The following UBE4B variants were observed in gnomAD, a reference collection of about 807,000 sequenced individuals.
UBE4B encodes the protein ubiquitination factor E4B.
UBE4B carries 27 observed loss-of-function variants against 148.1 expected under a neutral mutation model. That is an observed-to-expected ratio of 0.18 (90% CI 0.13 to 0.25). UBE4B has a LOEUF of 0.25. Ranked by LOEUF, UBE4B falls within the 10% of genes least tolerant of loss-of-function variation. The pLI, the probability that UBE4B is intolerant of heterozygous loss-of-function variation, is 1.00. For missense variants in UBE4B, 1,170 were observed against 1,662.4 expected, an observed-to-expected ratio of 0.70 and a Z score of 5.15; for synonymous variants, 596 against 619.3, an observed-to-expected ratio of 0.96 and a Z score of 0.56.
intron 10 of UBE4B, among the ~76,000 whole-genome samples, chr1:10,126,429 G>A (rs1285850552): frequency 3.9e-5 from 6 of 152,222 alleles, no homozygotes. Context: ...GAACATATTA[G>A]TTGCTGAGAT....
intron 1 of UBE4B, among the ~76,000 whole-genome samples, chr1:10,044,923 A>G (rs1643883175): frequency 6.6e-6 from 1 of 152,328 alleles, no homozygotes; most frequent in Non-Finnish European, 1.5e-5. Flanking sequence ...GTAATATAGA[A>G]TGAAATAATT....
chr1:10,098,885 G>A (rs1299058540), intron 3 of UBE4B, among the ~76,000 whole-genome samples: 1 of 152,132 alleles, frequency 6.6e-6, no homozygotes, highest in Non-Finnish European at 1.5e-5. Flanking sequence ...ATTTAGCAGT[G>A]CAGTAAAACA....
chr1:10,156,267 T>C (rs1646070424), intron 21 of UBE4B, among the ~76,000 whole-genome samples: 1 of 146,052 alleles, frequency 6.8e-6, no homozygotes, highest in East Asian at 2.0e-4. Flanking sequence ...TGAGCTAGGG[T>C]CTTGCTCTGT....
intron 5 of UBE4B, among the ~76,000 whole-genome samples, chr1:10,103,577 C>T (rs573168700): frequency 5.0e-4 from 75 of 149,716 alleles, no homozygotes; most frequent in Non-Finnish European, 9.3e-4. Context: ...GGACTACAGG[C>T]GTGCACCACC....
chr1:10,142,597 G>A (rs1174042760), intron 17 of UBE4B, among the ~76,000 whole-genome samples: 1 of 152,142 alleles, frequency 6.6e-6, no homozygotes, highest in Non-Finnish European at 1.5e-5. Context: ...CTTGAACACG[G>A]GAGACGGAGG....
chr1:10,082,431 G>A (rs1200377875), intron 2 of UBE4B, among the ~76,000 whole-genome samples: 3 of 152,122 alleles, frequency 2.0e-5, no homozygotes, highest in African/African-American at 7.2e-5. Context: ...AACCTGGGAA[G>A]TAGAGGTAGC....
chr1:10,109,395 C>T (rs755168574), intron 7 of UBE4B, among the ~76,000 whole-genome samples: 31 of 152,214 alleles, frequency 2.0e-4, no homozygotes, highest in Admixed American at 7.8e-4. Flanking sequence ...TGCATCTACT[C>T]GGTTCCTTTG....
chr1:10,038,280 C>CA (rs535925205), intron 1 of UBE4B, among the ~76,000 whole-genome samples: 3,537 of 95,324 alleles, frequency 0.037, 45 homozygotes, highest in Non-Finnish European at 0.042. Context: ...AACTCCATCT[C>CA]AAAAAAAAAA....
At chr1:10,037,598 C>T (rs1266960448) in intron 1 of UBE4B, among the ~76,000 whole-genome samples, 1 of 152,102 alleles carries the variant, frequency 6.6e-6, no homozygotes, top group Admixed American at 6.6e-5. Context: ...GGCTCTATCG[C>T]CCAGTCTGGA....
intron 2 of UBE4B, among the ~76,000 whole-genome samples, chr1:10,077,188 G>A (rs1557533319): frequency 6.6e-6 from 1 of 152,102 alleles, no homozygotes; most frequent in Admixed American, 6.5e-5. Flanking sequence ...CAAGGTGTTG[G>A]TAGGGCGATG....
intron 17 of UBE4B, among the ~76,000 whole-genome samples, chr1:10,142,873 T>A (rs1400360709): frequency 6.6e-6 from 1 of 151,064 alleles, no homozygotes; most frequent in Non-Finnish European, 1.5e-5. Flanking sequence ...TTTGGGAGGC[T>A]GAGGTGGGTG....
intron 25 of UBE4B, among the ~76,000 whole-genome samples, chr1:10,175,852 A>G (rs186810308): frequency 4.3e-4 from 66 of 152,216 alleles, no homozygotes; most frequent in African/African-American, 1.4e-3. Flanking sequence ...ATTAATATAT[A>G]ACGTAGAAGT....
At chr1:10,100,604 G>C (rs995892815) in intron 3 of UBE4B, among the ~76,000 whole-genome samples, 1 of 152,156 alleles carries the variant, frequency 6.6e-6, no homozygotes, top group African/African-American at 2.4e-5. Flanking sequence ...GCCCAGGCTG[G>C]AGTGCAATGG....
chr1:10,177,477 G>A (rs1046967801), intron 25 of UBE4B, among the ~76,000 whole-genome samples: 1 of 152,142 alleles, frequency 6.6e-6, no homozygotes, highest in African/African-American at 2.4e-5. Flanking sequence ...GTGACAAAGC[G>A]AGACTCCGTC....
intron 2 of UBE4B, among the ~76,000 whole-genome samples, chr1:10,076,464 G>A (rs993678903): frequency 3.3e-5 from 5 of 151,846 alleles, no homozygotes; most frequent in Admixed American, 1.3e-4. Context: ...GGCTGGTCTC[G>A]AACTCCTGAC....
intron 1 of UBE4B, among the ~76,000 whole-genome samples, chr1:10,057,936 AGAGAG>A (rs1208637245): frequency 6.6e-6 from 1 of 152,034 alleles, no homozygotes; most frequent in Non-Finnish European, 1.5e-5. Context: ...ATGTAGGTAA[AGAGAG>A]GAGAAGGAAC....
intron 21 of UBE4B, among the ~76,000 whole-genome samples, chr1:10,157,644 G>T (rs1646095351): frequency 6.6e-6 from 1 of 152,020 alleles, no homozygotes; most frequent in South Asian, 2.1e-4. Flanking sequence ...AGGGCGTGGT[G>T]GCGCATGTCT....
At chr1:10,156,073 G>A (rs1646065758) in intron 21 of UBE4B, among the ~76,000 whole-genome samples, 1 of 151,648 alleles carries the variant, frequency 6.6e-6, no homozygotes. Flanking sequence ...TACCTGGGGG[G>A]AGGAGGGAGA....
intron 2 of UBE4B, chr1:10,072,610 T>A (rs1644508105): frequency 3.0e-6 from 2 of 661,260 alleles, no homozygotes; most frequent in Non-Finnish European, 5.5e-6. Context: ...TTCCTCGTCT[T>A]CATTCTGCAT....
Sources: allele counts gnomAD v4.1 joint callset (sites outside exome capture counted in the v4.1 genomes callset), GRCh38; gene constraint gnomAD v4.1.1; transcripts MANE v1.5; gene names NCBI Gene and HGNC (gene_info 2026-07-23, HGNC 2026-07-21).